XYLT1: variants seen among roughly 807,000 people sequenced by gnomAD.
The protein encoded by XYLT1 is beta-D-xylosyltransferase 1.
XYLT1 carries 36 observed loss-of-function variants against 91.3 expected under a neutral mutation model. That is an observed-to-expected ratio of 0.39 (90% CI 0.30 to 0.52). XYLT1 has a LOEUF of 0.52. Among genes scored for constraint, XYLT1 ranks in the 20% least tolerant of loss-of-function variants. The pLI is 0.68. For missense variants in XYLT1, 1,242 were observed against 1,284.5 expected (o/e 0.97, Z 0.51); for synonymous variants, 588 against 532.0 (o/e 1.11, Z -1.45).
At chr16:17,385,269 T>TACACACACACACACACAC (rs566134163) in intron 1 of XYLT1, among the ~76,000 whole-genome samples, 5 of 120,012 alleles carry the variant, frequency 4.2e-5, no homozygotes, top group South Asian at 3.2e-4. Flanking sequence ...TAAACACACA[T>TACACACACACACACACAC]ACACACACAC....
intron 1 of XYLT1, among the ~76,000 whole-genome samples, chr16:17,391,545 C>A (rs2035819045): frequency 6.6e-6 from 1 of 152,194 alleles, no homozygotes; most frequent in African/African-American, 2.4e-5. Flanking sequence ...GGACAGTGAG[C>A]AAAATAAACC....
chr16:17,141,031 G>A (rs1023914003), intron 7 of XYLT1, 122 bp downstream of exon 7: 50 of 921,378 alleles, frequency 5.4e-5, no homozygotes, highest in Admixed American at 1.1e-4. Flanking sequence ...AAGGATGTCT[G>A]GGTGTGTAGA....
intron 3 of XYLT1, among the ~76,000 whole-genome samples, chr16:17,258,659 T>C (rs1267063353): frequency 4.6e-5 from 7 of 152,202 alleles, no homozygotes; most frequent in Admixed American, 4.6e-4. Flanking sequence ...AATATTCTAC[T>C]GAAAGAGAAA....
At chr16:17,433,279 G>GA (rs2036413408) in intron 1 of XYLT1, among the ~76,000 whole-genome samples, 1 of 152,126 alleles carries the variant, frequency 6.6e-6, no homozygotes, top group Admixed American at 6.5e-5. Context: ...TCTGATGGCA[G>GA]AAAAAACTCC....
chr16:17,122,787 C>T (rs12934197), intron 10 of XYLT1, among the ~76,000 whole-genome samples: 98,090 of 152,116 alleles, frequency 0.64, 32,636 homozygotes, highest in Non-Finnish European at 0.71. Context: ...GGATTCGGTT[C>T]CATTCTTCTA....
intron 6 of XYLT1, among the ~76,000 whole-genome samples, chr16:17,154,483 C>G (rs1019658769): frequency 1.3e-5 from 2 of 152,240 alleles, no homozygotes; most frequent in African/African-American, 4.8e-5. Context: ...ATTTGAAAAA[C>G]TTCTCTGATG....
chr16:17,138,236 C>G (rs952452178), intron 8 of XYLT1, 119 bp downstream of exon 8: 27 of 1,163,362 alleles, frequency 2.3e-5, no homozygotes, highest in Non-Finnish European at 3.1e-5. Context: ...TATTAATTAT[C>G]AACAGCCAGG....
chr16:17,315,288 C>G lies in XYLT1; in HGVS notation c.402+42724G>C, dbSNP rs116852009. On this transcript the variant is annotated intron_variant, in intron 2 of 11. Coordinates refer to ENST00000261381, the MANE Select transcript of XYLT1 (RefSeq NM_022166.4). ...CAGCTACCCTGGTCTCCATCTATCT[C>G]CTGCCTTGTGGATGCTCTTTGTCAC... 4.2e-3 allele frequency among the ~76,000 whole-genome samples: 637 copies of G among 152,362 alleles called. 23 individuals are homozygous for G. In the East Asian group the frequency reaches 0.091, roughly 22 times the overall value.
intron 1 of XYLT1, among the ~76,000 whole-genome samples, chr16:17,432,413 C>A (rs1290880819): frequency 6.6e-6 from 1 of 152,184 alleles, no homozygotes. Flanking sequence ...ATATAGACCT[C>A]AAAAACATCA....
intron 1 of XYLT1, among the ~76,000 whole-genome samples, chr16:17,429,932 A>ATTTT (rs34434695): frequency 3.4e-5 from 4 of 119,314 alleles, no homozygotes; most frequent in Admixed American, 8.9e-5. Context: ...TCCCATAATA[A>ATTTT]TTTTTTTTTT....
At chr16:17,127,393 T>C (rs1029186905) in intron 10 of XYLT1, among the ~76,000 whole-genome samples, 1 of 152,160 alleles carries the variant, frequency 6.6e-6, no homozygotes, top group East Asian at 1.9e-4. Context: ...CTGACATTGG[T>C]TTAGGAGTCA....
At chr16:17,164,738 G>A (rs2031638384) in intron 5 of XYLT1, among the ~76,000 whole-genome samples, 1 of 152,106 alleles carries the variant, frequency 6.6e-6, no homozygotes, top group Non-Finnish European at 1.5e-5. Flanking sequence ...ACTCTCTCAT[G>A]TACCACCTGT....
At chr16:17,240,185 G>A (rs2033324318) in intron 3 of XYLT1, among the ~76,000 whole-genome samples, 1 of 152,208 alleles carries the variant, frequency 6.6e-6, no homozygotes, top group Non-Finnish European at 1.5e-5. Flanking sequence ...ATGAGAACAG[G>A]GGTATGGACA....
chr16:17,318,437 A>G (rs572529777), intron 2 of XYLT1, among the ~76,000 whole-genome samples: 2 of 152,176 alleles, frequency 1.3e-5, no homozygotes, highest in African/African-American at 4.8e-5. Flanking sequence ...ATCACTTCCT[A>G]AGTATTACCA....
At chr16:17,282,662 G>C (rs2034075429) in intron 2 of XYLT1, among the ~76,000 whole-genome samples, 1 of 152,170 alleles carries the variant, frequency 6.6e-6, no homozygotes, top group East Asian at 1.9e-4. Context: ...GGTCTTTCAT[G>C]GTGTAACTGT....
intron 2 of XYLT1, chr16:17,355,137 C>G (rs181493941): frequency 2.0e-4 from 30 of 153,404 alleles, no homozygotes; most frequent in African/African-American, 7.2e-4. Context: ...GTTCAGGTCC[C>G]TTGGGCTAAC....
chr16:17,168,801 C>T (rs751577208), intron 5 of XYLT1, among the ~76,000 whole-genome samples: 1 of 152,126 alleles, frequency 6.6e-6, no homozygotes, highest in Non-Finnish European at 1.5e-5. Flanking sequence ...CCTCGTCCTC[C>T]AGGAAGCAGC....
intron 11 of XYLT1, among the ~76,000 whole-genome samples, chr16:17,112,104 C>A (rs191721437): frequency 1.3e-4 from 20 of 152,152 alleles, no homozygotes; most frequent in African/African-American, 4.3e-4. Context: ...ACGCTGGGAG[C>A]CAAATATTGT....
At chr16:17,385,759 G>C (rs1306175435) in intron 1 of XYLT1, among the ~76,000 whole-genome samples, 1 of 151,836 alleles carries the variant, frequency 6.6e-6, no homozygotes, top group Non-Finnish European at 1.5e-5. Context: ...AGTCACCTAT[G>C]AGCAGTGTGA....
Sources: allele counts gnomAD v4.1 joint callset (sites outside exome capture counted in the v4.1 genomes callset), GRCh38; gene constraint gnomAD v4.1.1; transcripts MANE v1.5; gene names NCBI Gene and HGNC (gene_info 2026-07-23, HGNC 2026-07-21).